Variants in CSN1S1 observed in about 807,000 individuals in gnomAD.
CSN1S1 encodes the protein casein alpha s1, also known as alpha-S1-casein.
Under a neutral mutation model 49.1 loss-of-function variants are expected in CSN1S1, and 63 were observed. The observed-to-expected ratio is 1.28, with a 90% confidence interval of 1.05 to 1.58. The LOEUF (loss-of-function observed/expected upper bound fraction) is 1.58, where lower values mean the gene tolerates loss of function less well. CSN1S1 is among the 40% of genes most tolerant of loss of function. CSN1S1 has a pLI of 0.00. For missense variants in CSN1S1, 260 were observed against 224.7 expected (o/e 1.16, Z -1.01); for synonymous variants, 78 against 67.1 (o/e 1.16, Z -0.79).
intron 1 of CSN1S1, among the ~76,000 whole-genome samples, chr4:69,931,421 T>A (rs1209502161): frequency 6.6e-6 from 1 of 151,964 alleles, no homozygotes; most frequent in Non-Finnish European, 1.5e-5. Flanking sequence ...TTAAATTATT[T>A]TTACCTAATT....
rs1722950274 is a variant in CSN1S1 at position 69,940,885 on chromosome 4, C to A, written c.301-134C>A. On this transcript the variant is annotated intron_variant, in intron 11 of 15. Coordinates refer to ENST00000246891, the MANE Select transcript of CSN1S1 (RefSeq NM_001890.2). The stretch of plus-strand genomic sequence containing the variant: ...TCCAAATTATTTGGGGTAGAAATGG[C>A]ACTCAGGTGTAATAGTTCCTCATTC... 5 of 489,470 alleles carry A rather than the reference C, an allele frequency of 1.0e-5. No homozygotes were observed. The South Asian group carries it at 1.7e-4, about 17-fold the overall frequency. The allele number at this position is 489,470 out of a possible 1,614,324, so 30.3% of individuals were successfully genotyped here.
At chr4:69,935,986 C>G in intron 5 of CSN1S1, 37 bp downstream of exon 5, 1 of 1,478,550 alleles carries the variant, frequency 6.8e-7, no homozygotes, top group South Asian at 1.2e-5. Flanking sequence ...GTGCAATTAA[C>G]AAAGAGAAGT....
chr4:69,934,184 T>C (rs1332016068), intron 2 of CSN1S1, 28 bp from the exon 3 acceptor site: 2 of 1,584,086 alleles, frequency 1.3e-6, no homozygotes, highest in South Asian at 1.1e-5. Context: ...TACTTTTTGT[T>C]TTACAATTCT....
chr4:69,932,458 C>T (rs1722636680), intron 1 of CSN1S1, 86 bp from the exon 2 acceptor site: 3 of 1,154,850 alleles, frequency 2.6e-6, no homozygotes, highest in Non-Finnish European at 3.8e-6. Context: ...ATAATTTGCT[C>T]CTTTGTTGAA....
chr4:69,938,094 TA>T (rs560936975), intron 9 of CSN1S1, among the ~76,000 whole-genome samples: 2 of 151,734 alleles, frequency 1.3e-5, no homozygotes, highest in African/African-American at 2.4e-5. Context: ...TAATAATTAG[TA>T]AAAAAATGCT....
At chr4:69,937,066 A>G in intron 7 of CSN1S1, 55 bp from the exon 8 acceptor site, 1 of 1,436,180 alleles carries the variant, frequency 7.0e-7, no homozygotes, top group Non-Finnish European at 9.4e-7. Flanking sequence ...TTATGAGATA[A>G]AATATATATC....
intron 12 of CSN1S1, 106 bp from the exon 13 acceptor site, chr4:69,941,940 C>T (rs1311520968): frequency 3.2e-6 from 2 of 625,642 alleles, no homozygotes; most frequent in Non-Finnish European, 5.3e-6. Flanking sequence ...GTGGTATCTC[C>T]AGTATTTAAC....
chr4:69,942,606 C>T (rs377669475), intron 14 of CSN1S1, 29 bp downstream of exon 14: 65 of 1,530,012 alleles, frequency 4.2e-5, no homozygotes, highest in East Asian at 1.2e-4. Flanking sequence ...TATTACAAAA[C>T]GATAATATTT....
Position 69,937,119 on chromosome 4 carries a change from A to G in CSN1S1, c.196-2A>G. 6.5e-7 allele frequency: 1 copy of G among 1,542,112 alleles called. No homozygotes were observed. On this transcript the variant is annotated splice_acceptor_variant, in intron 7 of 15. Coordinates refer to ENST00000246891, the MANE Select transcript of CSN1S1 (RefSeq NM_001890.2). LOFTEE classifies it high-confidence loss of function. ...TACCTAACTGATTGACTGTCTTGGC[A>G]GGATACTAGGAATGAGTCTACTCAG...
At chr4:69,939,248 T>A (rs780593134) in intron 10 of CSN1S1, 40 bp downstream of exon 10, 1 of 1,468,172 alleles carries the variant, frequency 6.8e-7, no homozygotes, top group Non-Finnish European at 9.5e-7. Context: ...CCAACTAATT[T>A]AAAAAATTAT....
At chr4:69,939,476 C>T (rs1299173395) in intron 10 of CSN1S1, among the ~76,000 whole-genome samples, 1 of 151,644 alleles carries the variant, frequency 6.6e-6, no homozygotes, top group Non-Finnish European at 1.5e-5. Flanking sequence ...ATTACTTTGT[C>T]CTTCGCAGAT....
chr4:69,944,229 G>A (rs1723076345), intron 14 of CSN1S1, among the ~76,000 whole-genome samples: 1 of 151,860 alleles, frequency 6.6e-6, no homozygotes, highest in Non-Finnish European at 1.5e-5. Context: ...CTGTTTCTAT[G>A]AACAATGCAA....
chr4:69,943,017 C>T (rs1723024703), intron 14 of CSN1S1, among the ~76,000 whole-genome samples: 1 of 149,790 alleles, frequency 6.7e-6, no homozygotes, highest in Admixed American at 6.7e-5. Context: ...ACTTTTAGTT[C>T]CTCACAGTAC....
intron 13 of CSN1S1, among the ~76,000 whole-genome samples, chr4:69,942,314 T>C (rs1261382531): frequency 6.6e-6 from 1 of 151,982 alleles, no homozygotes; most frequent in Non-Finnish European, 1.5e-5. Flanking sequence ...CCTTACTAAT[T>C]GTTTATTTTT....
At chr4:69,935,858 C>A in intron 4 of CSN1S1, 68 bp from the exon 5 acceptor site, 1 of 994,802 alleles carries the variant, frequency 1.0e-6, no homozygotes, top group African/African-American at 1.6e-5. Flanking sequence ...AATTCAAGGA[C>A]ATTATCTAAA....
At chr4:69,942,322 T>C (rs1722996412) in intron 13 of CSN1S1, among the ~76,000 whole-genome samples, 1 of 152,000 alleles carries the variant, frequency 6.6e-6, no homozygotes, top group Admixed American at 6.6e-5. Flanking sequence ...ATTGTTTATT[T>C]TTCCAAACTA....
At chr4:69,931,672 T>C (rs1722612031) in intron 1 of CSN1S1, among the ~76,000 whole-genome samples, 1 of 148,758 alleles carries the variant, frequency 6.7e-6, no homozygotes, top group Non-Finnish European at 1.5e-5. Flanking sequence ...AAATATGCCT[T>C]TTTTATTAAC....
At chr4:69,936,992 T>G in intron 7 of CSN1S1, 129 bp from the exon 8 acceptor site, 1 of 715,334 alleles carries the variant, frequency 1.4e-6, no homozygotes, top group Non-Finnish European at 2.3e-6. Context: ...CCATAACATC[T>G]TTGATTTGGA....
Position 69,942,067 on chromosome 4 carries a change from A to T in CSN1S1, c.360+4A>T, listed in dbSNP as rs962951102. 7 of 1,449,290 alleles carry T rather than the reference A, an allele frequency of 4.8e-6. No individual in the cohort carries two copies. The African/African-American group carries it at 7.0e-5, about 15-fold the overall frequency. The allele number at this position is 1,449,290 out of a possible 1,614,324, so 89.8% of individuals were successfully genotyped here. ...CTAGCAAGCTGCCCATGCCCAGGTG[A>T]GATTATTTATTAAATCTAAAATATT... is the stretch of plus-strand genomic sequence containing the variant. On this transcript the variant is annotated splice_donor_region_variant and intron_variant, in intron 13 of 15. Coordinates refer to ENST00000246891, the MANE Select transcript of CSN1S1 (RefSeq NM_001890.2).
Sources: allele counts gnomAD v4.1 joint callset (sites outside exome capture counted in the v4.1 genomes callset), GRCh38; gene constraint gnomAD v4.1.1; transcripts MANE v1.5; gene names NCBI Gene and HGNC (gene_info 2026-07-23, HGNC 2026-07-21).